GALNTL6: variants seen among roughly 807,000 people sequenced by gnomAD.
GALNTL6 encodes the protein polypeptide N-acetylgalactosaminyltransferase like 6, also known as polypeptide N-acetylgalactosaminyltransferase-like 6.
In GALNTL6, 46 loss-of-function variants were observed where a neutral mutation model predicts 73.7. That is an observed-to-expected ratio of 0.62 (90% CI 0.49 to 0.80). The LOEUF is 0.80. Among genes scored for constraint, GALNTL6 ranks in the 30% least tolerant of loss-of-function variants. The probability of loss-of-function intolerance (pLI) is 0.00; values close to 1 mark genes in which losing one functional copy is unlikely to be tolerated. For synonymous variants in GALNTL6, 259 were observed against 263.7 expected, an observed-to-expected ratio of 0.98 and a Z score of 0.17; for missense variants, 604 against 755.0, an observed-to-expected ratio of 0.80 and a Z score of 2.34.
chr4:172,853,881 A>T (rs577373649), intron 7 of GALNTL6, among the ~76,000 whole-genome samples: 2 of 152,294 alleles, frequency 1.3e-5, no homozygotes, highest in East Asian at 3.9e-4. Context: ...TCATAAAATG[A>T]GGAGAGAAGA....
At chr4:172,524,398 G>A (rs550430306) in intron 5 of GALNTL6, among the ~76,000 whole-genome samples, 6 of 151,958 alleles carry the variant, frequency 3.9e-5, no homozygotes, top group African/African-American at 4.8e-5. Flanking sequence ...ACAGGTATGC[G>A]CCACCATGCC....
chr4:172,366,046 T>C (rs934788813), intron 5 of GALNTL6, among the ~76,000 whole-genome samples: 3 of 152,222 alleles, frequency 2.0e-5, no homozygotes, highest in African/African-American at 4.8e-5. Flanking sequence ...GTGGTTCTTA[T>C]AGCTTGTGAG....
intron 3 of GALNTL6, among the ~76,000 whole-genome samples, chr4:172,257,134 T>A (rs1285053385): frequency 6.6e-6 from 1 of 151,474 alleles, no homozygotes; most frequent in Admixed American, 6.6e-5. Flanking sequence ...AGATAAAGTC[T>A]GGACATATAT....
At chr4:173,031,141 T>C (rs1417199768) in intron 12 of GALNTL6, among the ~76,000 whole-genome samples, 1 of 152,234 alleles carries the variant, frequency 6.6e-6, no homozygotes. Context: ...TTTCTGTTTC[T>C]TCATTTATAA....
intron 2 of GALNTL6, among the ~76,000 whole-genome samples, chr4:172,114,601 A>T (rs1003009682): frequency 6.6e-6 from 1 of 152,104 alleles, no homozygotes; most frequent in Non-Finnish European, 1.5e-5. Context: ...GTATCACAAG[A>T]AAAATGTCAG....
chr4:172,754,530 C>T (rs1435263934), intron 5 of GALNTL6, among the ~76,000 whole-genome samples: 2 of 152,100 alleles, frequency 1.3e-5, no homozygotes, highest in African/African-American at 4.8e-5. Context: ...CGAGATCGCA[C>T]CATTGCACTC....
In GALNTL6 at chr4:172,986,131, T is replaced by A. The variant is rs555564633; in HGVS notation, c.1372-23047T>A. 9.2e-5 allele frequency among the ~76,000 whole-genome samples: 14 copies of A among 152,374 alleles called. No homozygotes were observed. In the South Asian group the frequency reaches 2.5e-3, roughly 27 times the overall value. On this transcript the variant is annotated intron_variant, in intron 10 of 12. Transcript: ENST00000506823. ...CAAGATCAGCTGATTAGGCCAGATT[T>A]CTTTCACTGTCATAATTTTCCCATG...
At chr4:172,308,003 CTTTTTTTTT>C (rs70941399) in intron 3 of GALNTL6, among the ~76,000 whole-genome samples, 20 of 34,584 alleles carry the variant, frequency 5.8e-4, no homozygotes, top group African/African-American at 1.3e-3. Flanking sequence ...TGTGTTTTAA[CTTTTTTTTT>C]TTTTTTTTTT....
Position 172,051,123 on chromosome 4 carries a change from T to C in GALNTL6, c.139-178533T>C, listed in dbSNP as rs372809534. 1.3e-3 allele frequency among the ~76,000 whole-genome samples: 205 copies of C among 152,216 alleles called. No individual in the cohort carries two copies. The South Asian group carries it at 0.016, about 12-fold the overall frequency. ...AGAGTTCCCTGACCCCCCTACAGGA[T>C]GTGTGACAGGGGTGTGGCTTGTGTG... On this transcript the variant is annotated intron_variant, in intron 2 of 12. Transcript: ENST00000506823.
Position 171,814,477 on chromosome 4 carries a change from A to T in GALNTL6, c.-104A>T. 7.9e-7 allele frequency: 1 copy of T among 1,257,876 alleles called. No homozygotes were observed. The highest frequency in any genetic ancestry group is 1.1e-6 in the Non-Finnish European group (1 of 890,604). 77.9% of individuals were successfully genotyped at this position (1,257,876 alleles called of 1,614,324 possible). Reference sequence around the variant, plus strand: ...ACGCAACAAAAGTTTGTAGCTTCTCAGTTTCTGGTGCTTCGCAGGGGAGAG... The same window carrying T: ...ACGCAACAAAAGTTTGTAGCTTCTCTGTTTCTGGTGCTTCGCAGGGGAGAG... On this transcript the variant is annotated 5_prime_UTR_variant, in exon 2 of 13. Transcript: ENST00000506823.
At chr4:172,825,014 A>T (rs1383590736) in intron 7 of GALNTL6, among the ~76,000 whole-genome samples, 1 of 151,898 alleles carries the variant, frequency 6.6e-6, no homozygotes, top group Non-Finnish European at 1.5e-5. Flanking sequence ...AAAATAATCA[A>T]GAAATGACTA....
chr4:172,553,886 A>C (rs980816833), intron 5 of GALNTL6, among the ~76,000 whole-genome samples: 1 of 152,094 alleles, frequency 6.6e-6, no homozygotes, highest in Non-Finnish European at 1.5e-5. Flanking sequence ...ACAAGATCCC[A>C]TCTCTACAAA....
intron 5 of GALNTL6, among the ~76,000 whole-genome samples, chr4:172,381,499 T>C (rs548530102): frequency 6.6e-6 from 1 of 152,210 alleles, no homozygotes; most frequent in Non-Finnish European, 1.5e-5. Context: ...GTTCTGGAGA[T>C]TTTATATAAA....
intron 5 of GALNTL6, among the ~76,000 whole-genome samples, chr4:172,555,059 T>C (rs1412634849): frequency 6.6e-6 from 1 of 152,200 alleles, no homozygotes; most frequent in Non-Finnish European, 1.5e-5. Flanking sequence ...TCTTACTTAA[T>C]TTAGTTATCT....
chr4:172,926,623 C>G (rs1021045046), intron 8 of GALNTL6, among the ~76,000 whole-genome samples: 1 of 152,194 alleles, frequency 6.6e-6, no homozygotes, highest in Admixed American at 6.5e-5. Flanking sequence ...TCAATATTGT[C>G]ACTTTTTTGT....
intron 2 of GALNTL6, among the ~76,000 whole-genome samples, chr4:172,227,881 A>C (rs1228834100): frequency 1.3e-5 from 2 of 152,228 alleles, no homozygotes; most frequent in Non-Finnish European, 2.9e-5. Flanking sequence ...TAAACGCTGG[A>C]GTTTACACAA....
chr4:171,822,504 A>G (rs1482964759), intron 2 of GALNTL6, among the ~76,000 whole-genome samples: 2 of 152,234 alleles, frequency 1.3e-5, no homozygotes, highest in African/African-American at 2.4e-5. Flanking sequence ...GTATGTTTAA[A>G]TTGCTTGGTA....
chr4:172,585,750 A>G (rs573291455), intron 5 of GALNTL6, among the ~76,000 whole-genome samples: 2 of 152,314 alleles, frequency 1.3e-5, no homozygotes, highest in Admixed American at 1.3e-4. Context: ...AGAATGATTG[A>G]TAATCCTTTG....
At chr4:172,357,421 G>A (rs528340015) in intron 5 of GALNTL6, among the ~76,000 whole-genome samples, 11 of 152,144 alleles carry the variant, frequency 7.2e-5, no homozygotes, top group East Asian at 3.9e-4. Flanking sequence ...ATGCTGGTGC[G>A]AATGTCTCCA....
Sources: gnomAD v4.1 joint callset for allele counts (sites outside exome capture counted in the v4.1 genomes callset) on GRCh38, gnomAD v4.1.1 for gene constraint, MANE v1.5 for transcripts, NCBI Gene and HGNC (gene_info 2026-07-23, HGNC 2026-07-21) for gene names.